Variants in ADAMTS6 observed in about 807,000 individuals in gnomAD.
ADAMTS6 encodes the protein A disintegrin and metalloproteinase with thrombospondin motifs 6.
In ADAMTS6, 23 loss-of-function variants were observed where a neutral mutation model predicts 144.3. The observed-to-expected ratio is 0.16, with a 90% CI of 0.11 to 0.23. The LOEUF is 0.23. Ranked by LOEUF, ADAMTS6 falls within the 10% of genes least tolerant of loss-of-function variation. ADAMTS6 has a pLI of 1.00. For missense variants in ADAMTS6, 999 were observed against 1,379.6 expected (o/e 0.72, Z 4.37); for synonymous variants, 444 against 457.5 (o/e 0.97, Z 0.38).
rs1754784597 is a variant in ADAMTS6 at position 65,188,118 on chromosome 5, C to G, written c.2808G>C (p.Glu936Asp). The G allele has an allele frequency of 6.2e-7, 1 of 1,614,062 alleles. No individual in the cohort carries two copies. The highest frequency in any genetic ancestry group is 8.5e-7 in the Non-Finnish European group (1 of 1,180,020). The change falls in exon 22 of 25, where the codon GAG (glutamate) becomes GAC (aspartate). Residue 936 changes from glutamate to aspartate, a missense_variant. By Grantham distance (45) the Glu-to-Asp change is conservative. This residue lies in a region of ADAMTS6 where 619 missense variants were observed against 837.0 expected (regional missense o/e 0.74). Transcript: ENST00000381055. ...CIRKIGPSEE[E>D]TLDYSGCLTH... ...TTAAACAACCACTGTAGTCCAGCGTCTCCTCCTCAGAAGGTCCGATCTTCC... is the reference window on the plus strand; with the variant it reads ...TTAAACAACCACTGTAGTCCAGCGTGTCCTCCTCAGAAGGTCCGATCTTCC...
At chr5:65,345,375 G>T (rs914131141) in intron 7 of ADAMTS6, among the ~76,000 whole-genome samples, 1 of 151,678 alleles carries the variant, frequency 6.6e-6, no homozygotes, top group South Asian at 2.1e-4. Flanking sequence ...CTGTATGTTT[G>T]TAAGGGAATC....
chr5:65,314,343 C>T (rs901615829), intron 9 of ADAMTS6, among the ~76,000 whole-genome samples: 3 of 152,126 alleles, frequency 2.0e-5, no homozygotes, highest in Admixed American at 1.3e-4. Context: ...TACACACATA[C>T]GCGCACACAT....
intron 7 of ADAMTS6, among the ~76,000 whole-genome samples, chr5:65,347,362 T>C (rs1748425245): frequency 6.6e-6 from 1 of 151,972 alleles, no homozygotes; most frequent in African/African-American, 2.4e-5. Flanking sequence ...TTATACTCAA[T>C]TGATCTTTGA....
intron 22 of ADAMTS6, among the ~76,000 whole-genome samples, chr5:65,173,656 A>C (rs1753763394): frequency 6.6e-6 from 1 of 152,118 alleles, no homozygotes; most frequent in Non-Finnish European, 1.5e-5. Flanking sequence ...GTGTTTCTAG[A>C]AGTCACCTAT....
At chr5:65,399,398 C>A (rs1318258930) in intron 7 of ADAMTS6, among the ~76,000 whole-genome samples, 1 of 152,218 alleles carries the variant, frequency 6.6e-6, no homozygotes, top group Admixed American at 6.5e-5. Flanking sequence ...GGATTAATAT[C>A]TACCGAATTT....
intron 24 of ADAMTS6, among the ~76,000 whole-genome samples, chr5:65,161,318 G>A (rs577894226): frequency 7.2e-5 from 11 of 152,268 alleles, no homozygotes; most frequent in African/African-American, 2.4e-4. Flanking sequence ...GATTGCAGGC[G>A]TGAGCCACCG....
chr5:65,388,487 G>T (rs1363339681), intron 7 of ADAMTS6, among the ~76,000 whole-genome samples: 1 of 152,082 alleles, frequency 6.6e-6, no homozygotes, highest in African/African-American at 2.4e-5. Context: ...ATGATTTTTG[G>T]AGCTAGAAAA....
chr5:65,206,834 TCTCTCACA>T (rs1158329406), intron 20 of ADAMTS6, among the ~76,000 whole-genome samples: 4 of 108,388 alleles, frequency 3.7e-5, no homozygotes, highest in Non-Finnish European at 5.5e-5. Flanking sequence ...TCTCTCTCTC[TCTCTCACA>T]CACACACACA....
chr5:65,213,303 T>C (rs927440059), intron 20 of ADAMTS6, among the ~76,000 whole-genome samples: 4 of 152,142 alleles, frequency 2.6e-5, no homozygotes, highest in African/African-American at 9.7e-5. Context: ...TATATTGAAA[T>C]TGGAGTTGTA....
At chr5:65,207,335 CTG>C in intron 20 of ADAMTS6, among the ~76,000 whole-genome samples, 1 of 152,118 alleles carries the variant, frequency 6.6e-6, no homozygotes, top group South Asian at 2.1e-4. Flanking sequence ...GCAGGACAGA[CTG>C]TATATTTAGA....
intron 3 of ADAMTS6, among the ~76,000 whole-genome samples, chr5:65,466,955 T>G (rs1760066431): frequency 6.7e-6 from 1 of 150,266 alleles, no homozygotes; most frequent in Non-Finnish European, 1.5e-5. Flanking sequence ...CGCAGGAGAA[T>G]GGCGTGGACC....
At chr5:65,282,974 G>T (rs1421227212) in intron 11 of ADAMTS6, among the ~76,000 whole-genome samples, 1 of 152,074 alleles carries the variant, frequency 6.6e-6, no homozygotes, top group Non-Finnish European at 1.5e-5. Flanking sequence ...AAAGAGACAT[G>T]CGCACACTTT....
chr5:65,339,317 C>T (rs1457240722), intron 7 of ADAMTS6, among the ~76,000 whole-genome samples: 1 of 151,702 alleles, frequency 6.6e-6, no homozygotes, highest in Non-Finnish European at 1.5e-5. Flanking sequence ...GCTAACAGAC[C>T]CCACCAAACT....
Position 65,252,820 on chromosome 5 carries a change from C to T in ADAMTS6, c.1830+7780G>A, listed in dbSNP as rs17227930. On this transcript the variant is annotated intron_variant, in intron 14 of 24. Transcript: ENST00000381055. ...TGGGTTGCAAGGTCCTAAAGGAATT[C>T]GGGTAAAATCTATTAAACACAGTTG... Among the ~76,000 whole-genome samples the T allele has an allele frequency of 9.3e-3, 1,415 of 152,030 alleles. 6 individuals are homozygous for T. The highest frequency in any genetic ancestry group is 0.015 in the Non-Finnish European group (1,035 of 67,982).
At chr5:65,188,874 A>G (rs1431687502) in intron 21 of ADAMTS6, among the ~76,000 whole-genome samples, 1 of 152,226 alleles carries the variant, frequency 6.6e-6, no homozygotes, top group Non-Finnish European at 1.5e-5. Context: ...TAAAAATTTT[A>G]TGCTAAAACC....
intron 7 of ADAMTS6, among the ~76,000 whole-genome samples, chr5:65,420,130 G>T (rs1755897453): frequency 6.6e-6 from 1 of 152,046 alleles, no homozygotes; most frequent in Non-Finnish European, 1.5e-5. Context: ...CCAAGCAAAG[G>T]GTGAAAAGCC....
chr5:65,201,767 A>G (rs67057805), intron 20 of ADAMTS6, among the ~76,000 whole-genome samples: 24,646 of 149,846 alleles, frequency 0.16, 2,133 homozygotes, highest in African/African-American at 0.22. Flanking sequence ...GAAGAGAAGG[A>G]GGTAACATTA....
intron 7 of ADAMTS6, among the ~76,000 whole-genome samples, chr5:65,361,584 CA>C (rs1461092234): frequency 6.6e-6 from 1 of 152,114 alleles, no homozygotes; most frequent in East Asian, 1.9e-4. Flanking sequence ...GAGGTGCCAC[CA>C]AATTCAAGCC....
chr5:65,250,053 C>T (rs933956349), intron 14 of ADAMTS6, among the ~76,000 whole-genome samples: 2 of 152,162 alleles, frequency 1.3e-5, no homozygotes, highest in African/African-American at 4.8e-5. Flanking sequence ...TACTGGATCT[C>T]TTTCACAGCA....
Sources: gnomAD v4.1 joint callset for allele counts (sites outside exome capture counted in the v4.1 genomes callset) on GRCh38, gnomAD v4.1.1 for gene constraint, gnomAD v4.1.1 regional missense constraint, MANE v1.5 for transcripts, NCBI Gene and HGNC (gene_info 2026-07-23, HGNC 2026-07-21) for gene names.